The following KCNK9 variants were observed in gnomAD, a reference collection of about 807,000 sequenced individuals.
KCNK9 encodes the protein potassium two pore domain channel subfamily K member 9, also known as potassium channel subfamily K member 9.
Under a neutral mutation model 10.8 loss-of-function variants are expected in KCNK9, and 1 was observed. The ratio of observed to expected loss-of-function variants is 0.09; its 90% CI spans 0.03 to 0.44. KCNK9 has a LOEUF of 0.44. Among genes scored for constraint, KCNK9 ranks in the 20% least tolerant of loss-of-function variants. The pLI is 0.97. For missense variants in KCNK9, 303 were observed against 515.0 expected (o/e 0.59, Z 3.98); for synonymous variants, 231 against 222.7 (o/e 1.04, Z -0.33).
At chr8:139,620,302 A>AT (rs1814738010) in intron 1 of KCNK9, among the ~76,000 whole-genome samples, 2 of 152,226 alleles carry the variant, frequency 1.3e-5, no homozygotes, top group South Asian at 4.1e-4. Flanking sequence ...ATCAAGATAG[A>AT]TTTCCCTGAT....
intron 1 of KCNK9, among the ~76,000 whole-genome samples, chr8:139,658,002 C>CTA (rs1235917049): frequency 2.6e-5 from 4 of 152,188 alleles, no homozygotes; most frequent in Non-Finnish European, 5.9e-5. Flanking sequence ...GGACAATGGG[C>CTA]TATGGTTTCC....
At chr8:139,650,222 G>A (rs945996287) in intron 1 of KCNK9, among the ~76,000 whole-genome samples, 27 of 152,206 alleles carry the variant, frequency 1.8e-4, no homozygotes, top group African/African-American at 5.1e-4. Context: ...GCTGTTTGAA[G>A]AACAGACTGT....
chr8:139,629,502 C>T (rs934928301), intron 1 of KCNK9, among the ~76,000 whole-genome samples: 61 of 152,188 alleles, frequency 4.0e-4, no homozygotes, highest in African/African-American at 1.4e-3. Flanking sequence ...ATGTGTACAA[C>T]GGAATGTGTT....
At chr8:139,635,143 C>T (rs993579189) in intron 1 of KCNK9, among the ~76,000 whole-genome samples, 1 of 152,226 alleles carries the variant, frequency 6.6e-6, no homozygotes, top group African/African-American at 2.4e-5. Context: ...CTGCCTGGTA[C>T]ATAGTAGCTC....
Position 139,618,078 on chromosome 8 carries a change from G to T in KCNK9, c.*180C>A. 1 of 794,342 alleles carries T rather than the reference G, an allele frequency of 1.3e-6. No individual in the cohort carries two copies. Among genetic ancestry groups the T allele is most frequent in the Non-Finnish European group, 2.0e-6 (1 of 507,058 alleles). 49.2% of individuals were successfully genotyped at this position (794,342 alleles called of 1,614,324 possible). A position where few individuals can be genotyped will look rare whatever the true frequency, so the allele number is the denominator to read the frequency against. ...ATGGGCCTGTATTTCCCTTTGGCCT[G>T]CTCTGTCTGGCTGGAAAGGTGGGGG... On this transcript the variant is annotated 3_prime_UTR_variant, in exon 2 of 2. Coordinates refer to ENST00000520439, the MANE Select transcript of KCNK9 (RefSeq NM_001282534.2). The surrounding 1 kb of genome is among the most constrained non-coding windows in gnomAD (Gnocchi z 7.9).
At chr8:139,623,188 C>T (rs1351313162) in intron 1 of KCNK9, among the ~76,000 whole-genome samples, 2 of 152,184 alleles carry the variant, frequency 1.3e-5, no homozygotes, top group African/African-American at 4.8e-5. Flanking sequence ...GGCCTCTAAG[C>T]TCTTCCCAAG....
intron 1 of KCNK9, among the ~76,000 whole-genome samples, chr8:139,665,341 T>C (rs1185009616): frequency 1.3e-5 from 2 of 152,164 alleles, no homozygotes; most frequent in African/African-American, 2.4e-5. Flanking sequence ...CTCCGACCTC[T>C]GCTTCAATCA....
Position 139,618,534 on chromosome 8 carries a change from C to T in KCNK9, c.849G>A (p.Arg283=). 1 of 1,613,532 alleles carries T rather than the reference C, an allele frequency of 6.2e-7. No homozygotes were observed. Among genetic ancestry groups the T allele is most frequent in the East Asian group, 2.2e-5 (1 of 44,878 alleles). ...CCGGGACGTCCGCCTTGTACCTGGGCCGGCTGGGCCGCGGCTCCTCAGGGA... is the reference window on the plus strand; with the variant it reads ...CCGGGACGTCCGCCTTGTACCTGGGTCGGCTGGGCCGCGGCTCCTCAGGGA... ...IHIPEEPRPS[R]PRYKADVPDL... The change falls in exon 2 of 2, where the codon CGG becomes CGA. Residue 283 remains arginine, a synonymous_variant. Transcript: ENST00000520439. The surrounding 1 kb of genome is among the most constrained non-coding windows in gnomAD (Gnocchi z 7.9).
rs1048372273 is a variant in KCNK9, at chr8:139,617,313, T to C, written c.*945A>G. 1.3e-5 allele frequency among the ~76,000 whole-genome samples: 2 copies of C among 152,154 alleles called. No individual in the cohort carries two copies. The highest frequency in any genetic ancestry group is 4.8e-5 in the African/African-American group (2 of 41,444). ...AGATACTCTGGGGTTCCAACAATTTTCCCGTTTCCCCTGACAATTCCAGTT... is the reference window on the plus strand; with the variant it reads ...AGATACTCTGGGGTTCCAACAATTTCCCCGTTTCCCCTGACAATTCCAGTT... On this transcript the variant is annotated 3_prime_UTR_variant, in exon 2 of 2. Coordinates refer to ENST00000520439, the MANE Select transcript of KCNK9 (RefSeq NM_001282534.2).
intron 1 of KCNK9, among the ~76,000 whole-genome samples, chr8:139,666,730 T>A (rs1387203744): frequency 2.0e-5 from 3 of 152,266 alleles, no homozygotes; most frequent in Non-Finnish European, 4.4e-5. Context: ...TCTAGATCCA[T>A]GTCTAGCTGT....
In KCNK9 at chr8:139,619,616, T is replaced by C. The variant is rs548231118; in HGVS notation, c.284-517A>G. Among the ~76,000 whole-genome samples the C allele has an allele frequency of 1.8e-4, 28 of 152,276 alleles. No homozygotes were observed. The South Asian group carries it at 3.5e-3, about 19-fold the overall frequency. On this transcript the variant is annotated intron_variant, in intron 1 of 1. Coordinates refer to ENST00000520439, the MANE Select transcript of KCNK9 (RefSeq NM_001282534.2). Reference sequence around the variant, plus strand: ...GGCCAGGCACAGTGCTGAATCCTCTTACATACATCACCTAATTCTAGCCTC... The same window carrying C: ...GGCCAGGCACAGTGCTGAATCCTCTCACATACATCACCTAATTCTAGCCTC...
downstream of KCNK9, among the ~76,000 whole-genome samples, chr8:139,610,944 G>T (rs1814405164): frequency 6.6e-6 from 1 of 152,242 alleles, no homozygotes; most frequent in Non-Finnish European, 1.5e-5. Flanking sequence ...GCACCCCTGG[G>T]CCTTGGCCCA....
At chr8:139,659,529 T>TGA (rs1383794299) in intron 1 of KCNK9, among the ~76,000 whole-genome samples, 1 of 152,190 alleles carries the variant, frequency 6.6e-6, no homozygotes, top group Admixed American at 6.5e-5. Context: ...TTGTTGTTGT[T>TGA]GAGACGGAGT....
chr8:139,662,877 G>T (rs1253070362), intron 1 of KCNK9, among the ~76,000 whole-genome samples: 1 of 150,252 alleles, frequency 6.7e-6, no homozygotes, highest in Non-Finnish European at 1.5e-5. Flanking sequence ...GGGGGAAGGG[G>T]GGGGGGCTGG....
chr8:139,656,575 C>T (rs2129690291), intron 1 of KCNK9, among the ~76,000 whole-genome samples: 1 of 152,344 alleles, frequency 6.6e-6, no homozygotes, highest in African/African-American at 2.4e-5. Context: ...CCCGGGAAGC[C>T]ATCCATTCAC....
intron 1 of KCNK9, among the ~76,000 whole-genome samples, chr8:139,628,440 C>T (rs1428974856): frequency 6.6e-6 from 1 of 152,236 alleles, no homozygotes; most frequent in Non-Finnish European, 1.5e-5. Flanking sequence ...CCATGGAGAA[C>T]TTGAGCCCCA....
chr8:139,606,546 C>T (rs1399895589), intron 2 of KCNK9, among the ~76,000 whole-genome samples: 1 of 152,152 alleles, frequency 6.6e-6, no homozygotes, highest in Non-Finnish European at 1.5e-5. Context: ...GGAACTAATT[C>T]AAGCTTAATT....
chr8:139,610,361 T>A (rs1179449743), downstream of KCNK9, among the ~76,000 whole-genome samples: 1 of 152,224 alleles, frequency 6.6e-6, no homozygotes, highest in East Asian at 1.9e-4. Flanking sequence ...GGAGTCAAGA[T>A]CACTGTTTTT....
rs3780055 is a variant in KCNK9, at chr8:139,645,238, G to T, written c.284-26139C>A. Among the ~76,000 whole-genome samples, 143 of 152,282 alleles carry T rather than the reference G, an allele frequency of 9.4e-4. 2 individuals carry two copies. In the East Asian group the frequency reaches 0.023, roughly 25 times the overall value. On this transcript the variant is annotated intron_variant, in intron 1 of 1. Coordinates refer to ENST00000520439, the MANE Select transcript of KCNK9 (RefSeq NM_001282534.2). ...ACCCAGGGCACCTCATCATCTCGGG[G>T]CCCCAGCAGCCCCACCTGCAAGAAG...
Sources: allele counts gnomAD v4.1 joint callset (sites outside exome capture counted in the v4.1 genomes callset), GRCh38; gene constraint gnomAD v4.1.1; non-coding constraint Gnocchi (gnomAD v3.1); transcripts MANE v1.5; gene names NCBI Gene and HGNC (gene_info 2026-07-23, HGNC 2026-07-21).